The following BTBD9 variants were observed in gnomAD, a reference collection of about 807,000 sequenced individuals.
The protein encoded by BTBD9 is BTB domain containing 9.
In BTBD9, 49 loss-of-function variants were observed where a neutral mutation model predicts 64.3. The ratio of observed to expected loss-of-function variants is 0.76; its 90% CI spans 0.61 to 0.97. The LOEUF (loss-of-function observed/expected upper bound fraction) is 0.97, where lower values mean the gene tolerates loss of function less well. BTBD9 is among the 50% of genes least tolerant of loss of function. BTBD9 has a pLI of 0.00. For missense variants in BTBD9, 598 were observed against 762.1 expected (o/e 0.78, Z 2.53); for synonymous variants, 260 against 274.7 (o/e 0.95, Z 0.53).
chr6:38,277,233 GAAGT>G (rs1200124136), intron 8 of BTBD9, among the ~76,000 whole-genome samples: 4 of 152,076 alleles, frequency 2.6e-5, no homozygotes, highest in Non-Finnish European at 5.9e-5. Context: ...TTTTTTTCAA[GAAGT>G]AAGTGTCATG....
intron 6 of BTBD9, among the ~76,000 whole-genome samples, chr6:38,403,109 G>GAAGGAAAGAA (rs59137288): frequency 0.41 from 60,457 of 146,400 alleles, 16,020 homozygotes; most frequent in East Asian, 0.95. Flanking sequence ...GAGGGGAGAA[G>GAAGGAAAGAA]AAGGAAAGAA....
chr6:38,286,641 A>G (rs529092723), intron 8 of BTBD9, among the ~76,000 whole-genome samples: 1 of 152,356 alleles, frequency 6.6e-6, no homozygotes, highest in African/African-American at 2.4e-5. Flanking sequence ...GCAATCTTCA[A>G]CTAAAAGTAT....
At chr6:38,503,426 C>T (rs528245083) in intron 6 of BTBD9, among the ~76,000 whole-genome samples, 2 of 152,164 alleles carry the variant, frequency 1.3e-5, no homozygotes, top group Admixed American at 6.5e-5. Context: ...CCTCTCCAAC[C>T]TCTCTCTCTC....
intron 6 of BTBD9, among the ~76,000 whole-genome samples, chr6:38,450,026 C>T (rs1181474208): frequency 6.6e-6 from 1 of 152,102 alleles, no homozygotes; most frequent in Non-Finnish European, 1.5e-5. Context: ...CCTAAGTGTC[C>T]ATCAATGAAT....
intron 6 of BTBD9, among the ~76,000 whole-genome samples, chr6:38,493,163 T>C (rs539169209): frequency 2.0e-5 from 3 of 152,356 alleles, no homozygotes; most frequent in African/African-American, 7.2e-5. Flanking sequence ...TTCCTTTCTC[T>C]GAAACCCTGG....
chr6:38,283,181 G>A (rs1037957783), intron 8 of BTBD9, among the ~76,000 whole-genome samples: 20 of 152,132 alleles, frequency 1.3e-4, no homozygotes, highest in African/African-American at 4.3e-4. Context: ...GCTTACTTAG[G>A]CCCAAACATT....
chr6:38,177,264 T>A (rs1266215453), intron 10 of BTBD9, among the ~76,000 whole-genome samples: 1 of 152,194 alleles, frequency 6.6e-6, no homozygotes, highest in Non-Finnish European at 1.5e-5. Context: ...AGCTCACTCC[T>A]CTGGTATTGA....
chr6:38,343,080 G>A (rs983886731), intron 7 of BTBD9, among the ~76,000 whole-genome samples: 5 of 152,210 alleles, frequency 3.3e-5, no homozygotes, highest in Non-Finnish European at 5.9e-5. Flanking sequence ...ACAATAAGAG[G>A]CAGATGATTA....
At chr6:38,209,963 G>A (rs544971608) in intron 9 of BTBD9, among the ~76,000 whole-genome samples, 1 of 152,208 alleles carries the variant, frequency 6.6e-6, no homozygotes, top group African/African-American at 2.4e-5. Flanking sequence ...GCCTCTCACA[G>A]AGAGCGGCAG....
At chr6:38,426,558 A>T (rs1242301585) in intron 6 of BTBD9, among the ~76,000 whole-genome samples, 1 of 151,722 alleles carries the variant, frequency 6.6e-6, no homozygotes, top group Non-Finnish European at 1.5e-5. Flanking sequence ...TCGCAGACCC[A>T]CCGCTGACTT....
intron 6 of BTBD9, among the ~76,000 whole-genome samples, chr6:38,544,307 C>T (rs1239377634): frequency 1.3e-5 from 2 of 151,968 alleles, no homozygotes; most frequent in African/African-American, 2.4e-5. Flanking sequence ...TTTTAGTATC[C>T]ATGGGAGTCC....
At chr6:38,185,083 G>T (rs1318035814) in intron 10 of BTBD9, among the ~76,000 whole-genome samples, 1 of 139,050 alleles carries the variant, frequency 7.2e-6, no homozygotes, top group African/African-American at 2.6e-5. Flanking sequence ...CACCCTCCCA[G>T]GTCCTCTAAG....
chr6:38,424,574 T>C (rs1416482216), intron 6 of BTBD9, among the ~76,000 whole-genome samples: 2 of 152,014 alleles, frequency 1.3e-5, no homozygotes, highest in East Asian at 3.8e-4. Context: ...TGGAGTGCAG[T>C]GGCATGATCT....
At chr6:38,451,007 C>T (rs1010653684) in intron 6 of BTBD9, among the ~76,000 whole-genome samples, 11 of 152,186 alleles carry the variant, frequency 7.2e-5, no homozygotes, top group African/African-American at 2.7e-4. Flanking sequence ...TCAGGTTTCA[C>T]TAACCTCTTC....
chr6:38,387,089 A>C (rs544025000), intron 6 of BTBD9, among the ~76,000 whole-genome samples: 1 of 152,370 alleles, frequency 6.6e-6, no homozygotes, highest in Non-Finnish European at 1.5e-5. Context: ...AGGTAGAACA[A>C]GGAAGCACTT....
At chr6:38,581,975 G>A (rs1244097857) in intron 4 of BTBD9, among the ~76,000 whole-genome samples, 2 of 152,182 alleles carry the variant, frequency 1.3e-5, no homozygotes, top group African/African-American at 4.8e-5. Context: ...ATACATTTTG[G>A]TTGTGTGATT....
chr6:38,264,747 G>A (rs1274648210), intron 8 of BTBD9, among the ~76,000 whole-genome samples: 1 of 152,186 alleles, frequency 6.6e-6, no homozygotes, highest in African/African-American at 2.4e-5. Flanking sequence ...AGGACGCTGA[G>A]TCCAAAATGA....
intron 6 of BTBD9, among the ~76,000 whole-genome samples, chr6:38,524,583 A>G (rs1157868401): frequency 6.6e-6 from 1 of 152,196 alleles, no homozygotes; most frequent in Non-Finnish European, 1.5e-5. Context: ...AGTAAGTCCA[A>G]CATTATGAGT....
At chr6:38,484,979 T>C (rs1194796780) in intron 6 of BTBD9, among the ~76,000 whole-genome samples, 1 of 152,250 alleles carries the variant, frequency 6.6e-6, no homozygotes, top group Admixed American at 6.5e-5. Flanking sequence ...TAGCATACGA[T>C]GCTGTTTGAC....
Sources: gnomAD v4.1 joint callset for allele counts (sites outside exome capture counted in the v4.1 genomes callset) on GRCh38, gnomAD v4.1.1 for gene constraint, MANE v1.5 for transcripts, NCBI Gene and HGNC (gene_info 2026-07-23, HGNC 2026-07-21) for gene names.